The following NTM variants were observed in gnomAD, a reference collection of about 807,000 sequenced individuals.
NTM encodes the protein IgLON family member 2.
In NTM, 13 loss-of-function variants were observed where a neutral mutation model predicts 42.1. That is an observed-to-expected ratio of 0.31 (90% CI 0.20 to 0.49). The LOEUF (loss-of-function observed/expected upper bound fraction) is 0.49. NTM is among the 20% of genes least tolerant of loss of function. The probability of loss-of-function intolerance (pLI) is 0.99; values close to 1 mark genes in which losing one functional copy is unlikely to be tolerated. For synonymous variants in NTM, 187 were observed against 179.2 expected (o/e 1.04, Z -0.35); for missense variants, 373 against 452.8 (o/e 0.82, Z 1.60).
chr11:132,094,266 C>T (rs976417234), intron 2 of NTM, among the ~76,000 whole-genome samples: 1 of 152,124 alleles, frequency 6.6e-6, no homozygotes, highest in Non-Finnish European at 1.5e-5. Flanking sequence ...TATTGATTTG[C>T]TGGCTGGATG....
At chr11:131,664,015 G>A (rs1471923246) in intron 1 of NTM, among the ~76,000 whole-genome samples, 1 of 152,200 alleles carries the variant, frequency 6.6e-6, no homozygotes, top group East Asian at 1.9e-4. Flanking sequence ...AGCAGAAGGT[G>A]ACAGGAAAGG....
chr11:131,902,475 T>C (rs963976036), intron 1 of NTM, among the ~76,000 whole-genome samples: 1 of 152,190 alleles, frequency 6.6e-6, no homozygotes, highest in East Asian at 1.9e-4. Context: ...TTTAGAACCT[T>C]AGAGTGAACG....
intron 1 of NTM, among the ~76,000 whole-genome samples, chr11:131,590,237 G>C (rs1319067750): frequency 6.6e-6 from 1 of 152,204 alleles, no homozygotes; most frequent in Non-Finnish European, 1.5e-5. Flanking sequence ...TCTGACAGCA[G>C]TGATGACCCT....
At chr11:131,889,460 G>A (rs990623572) in intron 1 of NTM, among the ~76,000 whole-genome samples, 3 of 152,184 alleles carry the variant, frequency 2.0e-5, no homozygotes, top group Non-Finnish European at 4.4e-5. Flanking sequence ...TTCCTTTGAT[G>A]TGTGCTAAGC....
chr11:131,880,864 C>T (rs1271744762), intron 1 of NTM, among the ~76,000 whole-genome samples: 1 of 151,848 alleles, frequency 6.6e-6, no homozygotes, highest in Admixed American at 6.6e-5. Flanking sequence ...TAATTCTAAA[C>T]TCTGATAGGT....
At position 132,003,247 on chromosome 11, in the gene NTM, G is replaced by GTT. The variant is rs57360845; in HGVS notation, c.167+91607_167+91608dup. Among the ~76,000 whole-genome samples, 33 of 145,414 alleles carry GTT rather than the reference G, an allele frequency of 2.3e-4. No homozygotes were observed. Among genetic ancestry groups the GTT allele is most frequent in the African/African-American group, 4.3e-4 (17 of 39,386 alleles). On this transcript the variant is annotated intron_variant, in intron 2 of 8. Transcript: ENST00000683400. This position sits in a 1 kb window ranked among gnomAD's most constrained non-coding sequence, Gnocchi z 6.0. Reference sequence around the variant, plus strand: ...GGATTCCTCCACCCACACCCTTAGAGTTTTTTTTTCTTTTTTTTTTTTGAC... The same window carrying GTT: ...GGATTCCTCCACCCACACCCTTAGAGTTTTTTTTTTTCTTTTTTTTTTTTGAC...
chr11:131,875,595 T>G (rs1031121954), intron 1 of NTM, among the ~76,000 whole-genome samples: 94 of 152,350 alleles, frequency 6.2e-4, no homozygotes, highest in Non-Finnish European at 4.4e-5. Context: ...GAGACGCCTT[T>G]TGTAGCATTG....
At chr11:131,980,729 G>A (rs1168947036) in intron 2 of NTM, among the ~76,000 whole-genome samples, 1 of 152,126 alleles carries the variant, frequency 6.6e-6, no homozygotes, top group Non-Finnish European at 1.5e-5. Context: ...GCTTTGATGT[G>A]GCCCTTAAGA....
intron 1 of NTM, among the ~76,000 whole-genome samples, chr11:131,889,501 A>G (rs2050928964): frequency 6.6e-6 from 1 of 152,214 alleles, no homozygotes; most frequent in Admixed American, 6.5e-5. Context: ...GTCATATTGC[A>G]TGTGACTTTG....
At chr11:132,301,705 A>C (rs2094866449) in intron 4 of NTM, among the ~76,000 whole-genome samples, 1 of 152,234 alleles carries the variant, frequency 6.6e-6, no homozygotes, top group South Asian at 2.1e-4. Flanking sequence ...CAGAGGCTGC[A>C]GAGCTGGTGC....
At chr11:132,301,222 C>A (rs779340576) in intron 4 of NTM, among the ~76,000 whole-genome samples, 1 of 152,130 alleles carries the variant, frequency 6.6e-6, no homozygotes, top group Non-Finnish European at 1.5e-5. Flanking sequence ...GAGTGCCCAG[C>A]GAAGTGGGAA....
intron 3 of NTM, among the ~76,000 whole-genome samples, chr11:132,196,712 A>T (rs1388384616): frequency 1.3e-5 from 2 of 152,116 alleles, no homozygotes; most frequent in Non-Finnish European, 2.9e-5. Context: ...TATAAGTGGG[A>T]GCTACACATT....
chr11:131,430,941 A>G (rs1286560534), intron 1 of NTM, among the ~76,000 whole-genome samples: 1 of 152,178 alleles, frequency 6.6e-6, no homozygotes, highest in East Asian at 1.9e-4. Flanking sequence ...CAGAGTTAGT[A>G]TCTTTCCCAC....
rs367657394 is a variant in NTM, at chr11:131,530,372, A to G, written c.82+159484A>G. Among the ~76,000 whole-genome samples, 92 of 152,082 alleles carry G rather than the reference A, an allele frequency of 6.0e-4. 1 individual carries two copies. The highest frequency in any genetic ancestry group is 2.2e-3 in the African/African-American group (90 of 41,454). On this transcript the variant is annotated intron_variant, in intron 1 of 8. Coordinates refer to ENST00000683400, the MANE Select transcript of NTM (RefSeq NM_001352005.2). ...CATATGAGAATTCAAGGGCAAAAAG[A>G]AAAAAGAATGAATTTACTGTGAAAG...
At chr11:132,320,853 A>AGTGGGTCC in intron 7 of NTM, among the ~76,000 whole-genome samples, 2 of 151,808 alleles carry the variant, frequency 1.3e-5, no homozygotes, top group Middle Eastern at 6.8e-3. Flanking sequence ...TGCCTCCTCA[A>AGTGGGTCC]GTGGGTCCCT....
At chr11:132,006,928 A>G (rs1203658453) in intron 2 of NTM, among the ~76,000 whole-genome samples, 2 of 152,214 alleles carry the variant, frequency 1.3e-5, no homozygotes, top group African/African-American at 4.8e-5. Flanking sequence ...AGTGCTGGCC[A>G]ATGAGAGGCA....
chr11:131,534,194 T>A (rs1272676765), intron 1 of NTM: 1 of 152,186 alleles, frequency 6.6e-6, no homozygotes, highest in Non-Finnish European at 1.5e-5. Flanking sequence ...ATAAGTGAAC[T>A]GCTTACGACA....
intron 1 of NTM, among the ~76,000 whole-genome samples, chr11:131,785,049 T>C (rs2088893200): frequency 6.6e-6 from 1 of 152,184 alleles, no homozygotes; most frequent in Admixed American, 6.5e-5. Flanking sequence ...TGTGTCTGTG[T>C]GGGTACACAT....
chr11:132,304,964 C>T (rs758303885), intron 4 of NTM, among the ~76,000 whole-genome samples: 13 of 152,140 alleles, frequency 8.5e-5, no homozygotes, highest in Admixed American at 5.9e-4. Context: ...AGAGACCATA[C>T]GCCTTCCCCA....
Sources: gnomAD v4.1 joint callset for allele counts (sites outside exome capture counted in the v4.1 genomes callset) on GRCh38, gnomAD v4.1.1 for gene constraint, Gnocchi (gnomAD v3.1) non-coding constraint, MANE v1.5 for transcripts, NCBI Gene and HGNC (gene_info 2026-07-23, HGNC 2026-07-21) for gene names.